The following CARS1 variants were observed in gnomAD, a reference collection of about 807,000 sequenced individuals.
CARS1 encodes the protein cysteinyl-tRNA synthetase 1.
CARS1 carries 48 observed loss-of-function variants against 106.2 expected under a neutral mutation model. The observed-to-expected ratio is 0.45, with a 90% CI of 0.36 to 0.57. The LOEUF is 0.57. Ranked by LOEUF, CARS1 falls within the 20% of genes least tolerant of loss-of-function variation. CARS1 has a pLI of 0.00. For missense variants in CARS1, 968 were observed against 1,057.2 expected (o/e 0.92, Z 1.17); for synonymous variants, 409 against 403.4 (o/e 1.01, Z -0.17).
rs1855850775 is a variant in CARS1 at position 3,053,077 on chromosome 11, C to G, written c.25+4266G>C. ...ACAGAACATTTATTGAAATCACATGCAAGTACCAAGCAATTGCTCAGCACA... is the reference window on the plus strand; with the variant it reads ...ACAGAACATTTATTGAAATCACATGGAAGTACCAAGCAATTGCTCAGCACA... On this transcript the variant is annotated intron_variant, in intron 1 of 22. Coordinates refer to ENST00000380525, the MANE Select transcript of CARS1 (RefSeq NM_001014437.3). The surrounding 1 kb of genome is among the most constrained non-coding windows in gnomAD (Gnocchi z 6.6). 6.6e-6 allele frequency among the ~76,000 whole-genome samples: 1 copy of G among 152,212 alleles called. No individual in the cohort carries two copies.
At position 3,002,012 on chromosome 11, in the gene CARS1, C is replaced by T; in HGVS notation, c.2319G>A (p.Met773Ile). Residue 773 changes from methionine to isoleucine, a missense_variant, in exon 22 of 23, where the codon ATG (methionine) becomes ATA (isoleucine). Met to Ile is a conservative substitution (Grantham distance 10). Coordinates refer to ENST00000380525, the MANE Select transcript of CARS1 (RefSeq NM_001014437.3). ...LAKMKIPPSE[M>I]FLSETDKYSK... ...AGTATTTGTCGGTTTCTGACAAGAA[C>T]ATCTCACTGGGGGGAATCTTCATCT... is the stretch of plus-strand genomic sequence containing the variant. The T allele has an allele frequency of 2.5e-6, 4 of 1,613,914 alleles. No homozygotes were observed. The highest frequency in any genetic ancestry group is 3.4e-6 in the Non-Finnish European group (4 of 1,179,896).
At position 3,053,218 on chromosome 11, in the gene CARS1, T is replaced by TTTTA. The variant is rs1855870640; in HGVS notation, c.25+4124_25+4125insTAAA. Among the ~76,000 whole-genome samples, 2 of 152,210 alleles carry TTTTA rather than the reference T, an allele frequency of 1.3e-5. No individual in the cohort carries two copies. The highest frequency in any genetic ancestry group is 3.9e-4 in the East Asian group (2 of 5,162). ...CCTATCAGCATTTATTTTTTATTTA[T>TTTTA]TTTTATTTTATTTTATTTTATTTTA... On this transcript the variant is annotated intron_variant, in intron 1 of 22. Transcript: ENST00000380525. This position sits in a 1 kb window ranked among gnomAD's most constrained non-coding sequence, Gnocchi z 6.6.
chr11:3,018,294 GCTGGTCTCCAT>G (rs1851240899), intron 14 of CARS1, 103 bp downstream of exon 14: 2 of 699,478 alleles, frequency 2.9e-6, no homozygotes, highest in Admixed American at 2.6e-5. Context: ...CCACCCATGT[GCTGGTCTCCAT>G]TAGAGACATC....
rs1223089505 is a variant in CARS1 at position 3,004,783 on chromosome 11, G to C, written c.2217+583C>G. 6.6e-6 allele frequency among the ~76,000 whole-genome samples: 1 copy of C among 152,172 alleles called. No individual in the cohort carries two copies. Among genetic ancestry groups the C allele is most frequent in the East Asian group, 1.9e-4 (1 of 5,198 alleles). On this transcript the variant is annotated intron_variant, in intron 20 of 22. Coordinates refer to ENST00000380525, the MANE Select transcript of CARS1 (RefSeq NM_001014437.3). The surrounding 1 kb of genome is among the most constrained non-coding windows in gnomAD (Gnocchi z 5.2). Reference sequence around the variant, plus strand: ...ATGCATCAGTGACACGCGCCACTCAGGTGAGGGCACGGTGGGACTGGGATC... The same window carrying C: ...ATGCATCAGTGACACGCGCCACTCACGTGAGGGCACGGTGGGACTGGGATC...
At chr11:3,016,881 G>A (rs1407414320) in intron 16 of CARS1, among the ~76,000 whole-genome samples, 1 of 152,178 alleles carries the variant, frequency 6.6e-6, no homozygotes, top group Non-Finnish European at 1.5e-5. Context: ...CCACAGTGTT[G>A]GATTATAGAT....
chr11:3,001,930 T>C, intron 22 of CARS1, 40 bp downstream of exon 22: 1 of 1,440,092 alleles, frequency 6.9e-7, no homozygotes, highest in Middle Eastern at 1.7e-4. Flanking sequence ...TGTGGTCTGA[T>C]CAAGTTCTGA....
Position 3,003,661 on chromosome 11 carries a change from G to A in CARS1, c.2218-1061C>T, listed in dbSNP as rs1425036579. 6.6e-6 allele frequency among the ~76,000 whole-genome samples: 1 copy of A among 152,196 alleles called. No homozygotes were observed. The highest frequency in any genetic ancestry group is 2.1e-4 in the South Asian group (1 of 4,828). ...AGCTCTTTCGAGATAGATGGAGGGA[G>A]AGCAGGGCTGGCCGAGGGAAAGGGG... On this transcript the variant is annotated intron_variant, in intron 20 of 22. Coordinates refer to ENST00000380525, the MANE Select transcript of CARS1 (RefSeq NM_001014437.3). This position sits in a 1 kb window ranked among gnomAD's most constrained non-coding sequence, Gnocchi z 4.8.
chr11:3,015,591 C>A (rs954979829), intron 17 of CARS1, among the ~76,000 whole-genome samples, 190 bp downstream of exon 17: 1 of 152,148 alleles, frequency 6.6e-6, no homozygotes, highest in Non-Finnish European at 1.5e-5. Context: ...CAAAGCAGAC[C>A]CTCCACACCG....
chr11:3,020,100 A>G lies in CARS1; in HGVS notation c.1266+120T>C, dbSNP rs1052348039. 1 of 700,888 alleles carries G rather than the reference A, an allele frequency of 1.4e-6. No individual in the cohort carries two copies. Among genetic ancestry groups the G allele is most frequent in the Non-Finnish European group, 2.6e-6 (1 of 389,538 alleles). 43.4% of individuals were successfully genotyped at this position (700,888 alleles called of 1,614,324 possible). Reference sequence around the variant, plus strand: ...AGGCAGCCTGTGCTGCACCAGCACCAGGCTCTGGCCCAGTGACAACATCCT... The same window carrying G: ...AGGCAGCCTGTGCTGCACCAGCACCGGGCTCTGGCCCAGTGACAACATCCT... On this transcript the variant is annotated intron_variant, in intron 11 of 22. Transcript: ENST00000380525. The surrounding 1 kb of genome is among the most constrained non-coding windows in gnomAD (Gnocchi z 4.6).
chr11:3,026,840 C>G lies in CARS1; in HGVS notation c.1032-43G>C. 3 of 1,583,332 alleles carry G rather than the reference C, an allele frequency of 1.9e-6. 1 individual carries two copies. In the South Asian group the frequency reaches 3.4e-5, roughly 18 times the overall value. ...AATTGGGTGGGTGCATCTAACAGAC[C>G]CGAAAGTGTGTCAGCAGGATGACAG... On this transcript the variant is annotated intron_variant, in intron 9 of 22. Coordinates refer to ENST00000380525, the MANE Select transcript of CARS1 (RefSeq NM_001014437.3).
Position 3,047,655 on chromosome 11 carries a change from G to A in CARS1, c.274+98C>T, listed in dbSNP as rs547718258. 29 of 1,477,990 alleles carry A rather than the reference G, an allele frequency of 2.0e-5. 1 individual carries two copies. In the South Asian group the frequency reaches 3.6e-4, roughly 18 times the overall value. 91.6% of individuals were successfully genotyped at this position (1,477,990 alleles called of 1,614,324 possible). A position where few individuals can be genotyped will look rare whatever the true frequency, so the allele number is the denominator to read the frequency against. The stretch of plus-strand genomic sequence containing the variant: ...CACACTTGGGCGAGGCTCCCTCTGG[G>A]GTATCCGCAGACGCCAGGTAAGCAC... On this transcript the variant is annotated intron_variant, in intron 2 of 22. Transcript: ENST00000380525.
intron 17 of CARS1, among the ~76,000 whole-genome samples, chr11:3,015,334 A>G (rs577321028): frequency 6.6e-6 from 1 of 152,380 alleles, no homozygotes; most frequent in East Asian, 1.9e-4. Context: ...GCCCAGCCCC[A>G]TGGGGACCGA....
In CARS1 at chr11:3,038,234, ACTG is replaced by A. The variant is rs757373474; in HGVS notation, c.652-38_652-36del. On this transcript the variant is annotated intron_variant, in intron 6 of 22. Coordinates refer to ENST00000380525, the MANE Select transcript of CARS1 (RefSeq NM_001014437.3). The surrounding 1 kb of genome is among the most constrained non-coding windows in gnomAD (Gnocchi z 4.0). ...TAAAGAGACGTCAAATCTATTAGAT[ACTG>A]CTCAGCAAAACCTAAATTCATAAAG... The A allele has an allele frequency of 6.3e-7, 1 of 1,591,552 alleles. No individual in the cohort carries two copies. The highest frequency in any genetic ancestry group is 1.3e-5 in the African/African-American group (1 of 74,280).
rs1002534507 is a variant in CARS1, at chr11:3,012,768, A to G, written c.1987-492T>C. On this transcript the variant is annotated intron_variant, in intron 17 of 22. Transcript: ENST00000380525. ...CACATACACTTGTTTAAGATGAATG[A>G]TCTCCATTAAGCACCTACTATCTAC... 3.3e-5 allele frequency among the ~76,000 whole-genome samples: 5 copies of G among 151,970 alleles called. No individual in the cohort carries two copies. In the East Asian group the frequency reaches 7.7e-4, roughly 23 times the overall value.
chr11:3,031,618 C>A (rs919032238), intron 7 of CARS1: 1 of 152,238 alleles, frequency 6.6e-6, no homozygotes, highest in African/African-American at 2.4e-5. Context: ...CTTCTTAGAT[C>A]CATAAGAGAA....
At chr11:3,012,747 T>C (rs1224274799) in intron 17 of CARS1, among the ~76,000 whole-genome samples, 3 of 152,218 alleles carry the variant, frequency 2.0e-5, no homozygotes, top group African/African-American at 4.8e-5. Context: ...TGGTCACACA[T>C]ACACTTGTTT....
In CARS1 at chr11:3,041,639, GC is replaced by G. The variant is rs552515611; in HGVS notation, c.366+525del. ...CCCTGATGGAAATCCAAGCAGCCCCGCCCAGAGCCTGGTCTGAAATCACTGG... is the reference window on the plus strand; with the variant it reads ...CCCTGATGGAAATCCAAGCAGCCCCGCCAGAGCCTGGTCTGAAATCACTGG... On this transcript the variant is annotated intron_variant, in intron 3 of 22. Transcript: ENST00000380525. This position sits in a 1 kb window ranked among gnomAD's most constrained non-coding sequence, Gnocchi z 4.9. Among the ~76,000 whole-genome samples the G allele has an allele frequency of 3.5e-3, 535 of 152,182 alleles. 14 individuals carry two copies. Among genetic ancestry groups the G allele is most frequent in the Non-Finnish European group, 3.1e-3 (214 of 68,006 alleles).
chr11:3,008,889 C>A lies in CARS1; in HGVS notation c.2069-1930G>T, dbSNP rs1265930614. ...CACCCTCATTAGAAGGAAGGCAAGC[C>A]AGCACCTGTGGTCACTGTCACGGGT... On this transcript the variant is annotated intron_variant, in intron 18 of 22. Coordinates refer to ENST00000380525, the MANE Select transcript of CARS1 (RefSeq NM_001014437.3). The surrounding 1 kb of genome is among the most constrained non-coding windows in gnomAD (Gnocchi z 5.1). The A allele has an allele frequency of 6.6e-6, 1 of 152,234 alleles. No homozygotes were observed. Among genetic ancestry groups the A allele is most frequent in the Non-Finnish European group, 1.5e-5 (1 of 68,092 alleles). 9.4% of individuals were successfully genotyped at this position (152,234 alleles called of 1,614,324 possible). A position where few individuals can be genotyped will look rare whatever the true frequency, so the allele number is the denominator to read the frequency against.
At chr11:3,033,612 T>G (rs1853175318) in intron 7 of CARS1, among the ~76,000 whole-genome samples, 1 of 152,102 alleles carries the variant, frequency 6.6e-6, no homozygotes, top group Admixed American at 6.5e-5. Context: ...AGCCTTAAAT[T>G]CTTAAATCAG....
Sources: gnomAD v4.1 joint callset for allele counts (sites outside exome capture counted in the v4.1 genomes callset) on GRCh38, gnomAD v4.1.1 for gene constraint, Gnocchi (gnomAD v3.1) non-coding constraint, MANE v1.5 for transcripts, NCBI Gene and HGNC (gene_info 2026-07-23, HGNC 2026-07-21) for gene names.